The following CDH18 variants were observed in gnomAD, a reference collection of about 807,000 sequenced individuals.
CDH18 encodes cadherin-18.
In CDH18, 31 loss-of-function variants were observed where a neutral mutation model predicts 67.9. The ratio of observed to expected loss-of-function variants is 0.46; its 90% CI spans 0.34 to 0.62. The LOEUF (loss-of-function observed/expected upper bound fraction) is 0.62, where lower values mean the gene tolerates loss of function less well. Ranked by LOEUF, CDH18 falls within the 20% of genes least tolerant of loss-of-function variation. CDH18 has a pLI of 0.01. For missense variants in CDH18, 890 were observed against 975.5 expected (o/e 0.91, Z 1.17); for synonymous variants, 362 against 347.2 (o/e 1.04, Z -0.48).
chr5:20,248,518 A>G (rs1047774605), intron 2 of CDH18, among the ~76,000 whole-genome samples: 1 of 152,204 alleles, frequency 6.6e-6, no homozygotes, highest in African/African-American at 2.4e-5. Context: ...ATTGAGGGCC[A>G]CTTTTCTCAT....
chr5:20,032,602 C>T (rs1196418278), intron 2 of CDH18, among the ~76,000 whole-genome samples: 3 of 151,912 alleles, frequency 2.0e-5, no homozygotes, highest in Non-Finnish European at 4.4e-5. Context: ...TAGTAGTAGA[C>T]ACTTCAATAA....
rs1370471076 is a variant in CDH18, at chr5:20,390,859, C to A, written c.-579-135354G>T. ...GTAGGGACATGAACGAAGCTGGAAA[C>A]CATCATTCTCAGCAAACTATCACAA... On this transcript the variant is annotated intron_variant, in intron 1 of 14. Coordinates refer to the CDH18 transcript ENST00000507958. 3.3e-5 allele frequency among the ~76,000 whole-genome samples: 5 copies of A among 152,136 alleles called. No homozygotes were observed. In the East Asian group the frequency reaches 9.7e-4, roughly 29 times the overall value.
chr5:19,799,060 G>A (rs1777148257), intron 3 of CDH18, among the ~76,000 whole-genome samples: 1 of 152,030 alleles, frequency 6.6e-6, no homozygotes, highest in Non-Finnish European at 1.5e-5. Flanking sequence ...ACACAGGTGT[G>A]CAGGTATCTC....
chr5:19,593,720 C>CTTCTTCTTCTTCTTCTTG (rs1745667240), intron 6 of CDH18, among the ~76,000 whole-genome samples: 1 of 118,924 alleles, frequency 8.4e-6, no homozygotes, highest in African/African-American at 4.1e-5. Context: ...TCTTCTTCTT[C>CTTCTTCTTCTTCTTCTTG]TTCTTCTTCT....
At chr5:19,572,631 T>C (rs572838388) in intron 7 of CDH18, among the ~76,000 whole-genome samples, 4 of 152,298 alleles carry the variant, frequency 2.6e-5, no homozygotes, top group Non-Finnish European at 5.9e-5. Flanking sequence ...TTACTTGCTG[T>C]ATCCTCACAC....
intron 9 of CDH18, among the ~76,000 whole-genome samples, chr5:19,541,561 T>A (rs1032198244): frequency 2.0e-5 from 3 of 152,184 alleles, no homozygotes; most frequent in Non-Finnish European, 4.4e-5. Flanking sequence ...GGACTTAGTT[T>A]CACATGGCTG....
chr5:20,041,924 G>A (rs1022541881), intron 2 of CDH18, among the ~76,000 whole-genome samples: 3 of 152,184 alleles, frequency 2.0e-5, no homozygotes, highest in African/African-American at 7.2e-5. Context: ...TTATAAACGT[G>A]TAATACCATA....
chr5:20,095,875 T>A (rs1333092477), intron 2 of CDH18, among the ~76,000 whole-genome samples: 2 of 151,150 alleles, frequency 1.3e-5, no homozygotes, highest in African/African-American at 2.4e-5. Flanking sequence ...ATAAAATAAT[T>A]TAAATTAAAA....
At chr5:20,517,144 A>G (rs1215765064) in intron 1 of CDH18, among the ~76,000 whole-genome samples, 1 of 151,870 alleles carries the variant, frequency 6.6e-6, no homozygotes, top group Non-Finnish European at 1.5e-5. Flanking sequence ...ATTAGAACAA[A>G]ATCAGTCAAA....
intron 1 of CDH18, among the ~76,000 whole-genome samples, chr5:20,320,829 C>T (rs533273997): frequency 1.1e-4 from 17 of 152,266 alleles, no homozygotes; most frequent in East Asian, 7.8e-4. Flanking sequence ...AGAACAACCA[C>T]GGCCACCCTT....
chr5:20,185,721 C>A (rs1738045698), intron 2 of CDH18, among the ~76,000 whole-genome samples: 2 of 152,136 alleles, frequency 1.3e-5, no homozygotes, highest in Admixed American at 6.6e-5. Context: ...TAAAATAGAA[C>A]AATGGCCACC....
intron 2 of CDH18, among the ~76,000 whole-genome samples, chr5:20,231,531 G>A (rs1210011184): frequency 2.0e-5 from 3 of 151,868 alleles, no homozygotes; most frequent in East Asian, 1.9e-4. Flanking sequence ...CCCGGGAGGC[G>A]GAGGTTGCAG....
chr5:19,502,542 T>C (rs1396743148), intron 11 of CDH18: 1 of 253,506 alleles, frequency 3.9e-6, no homozygotes, highest in African/African-American at 2.2e-5. Flanking sequence ...GGACAATGCT[T>C]ATAATAACAA....
chr5:20,228,440 C>T (rs1167144286), intron 2 of CDH18, among the ~76,000 whole-genome samples: 1 of 152,006 alleles, frequency 6.6e-6, no homozygotes, highest in Non-Finnish European at 1.5e-5. Context: ...CTAATTAACA[C>T]ATGTATTACC....
chr5:19,763,874 C>T (rs1240076280), intron 3 of CDH18, among the ~76,000 whole-genome samples: 3 of 151,244 alleles, frequency 2.0e-5, no homozygotes, highest in Non-Finnish European at 4.4e-5. Flanking sequence ...TGAGGCTGGG[C>T]ACAGTGGCTC....
At chr5:19,586,385 G>A (rs575406234) in intron 7 of CDH18, among the ~76,000 whole-genome samples, 27 of 151,908 alleles carry the variant, frequency 1.8e-4, no homozygotes, top group East Asian at 1.8e-3. Context: ...CTATAGGCCC[G>A]TGTGTGTTGT....
At chr5:19,885,410 T>C (rs952884364) in intron 2 of CDH18, among the ~76,000 whole-genome samples, 1 of 152,316 alleles carries the variant, frequency 6.6e-6, no homozygotes, top group Admixed American at 6.5e-5. Flanking sequence ...GGACAGTAAA[T>C]CTGTAATGTG....
chr5:20,522,354 C>T (rs1755799255), intron 1 of CDH18, among the ~76,000 whole-genome samples: 2 of 152,178 alleles, frequency 1.3e-5, no homozygotes, highest in Non-Finnish European at 2.9e-5. Flanking sequence ...ATGTCTCCTA[C>T]TCCTTTTAAG....
At chr5:19,501,514 GA>G (rs33928797) in intron 11 of CDH18, among the ~76,000 whole-genome samples, 65,482 of 121,812 alleles carry the variant, frequency 0.54, 14,485 homozygotes, top group South Asian at 0.58. Flanking sequence ...TCTTAAAAAA[GA>G]AAAAAAAAAA....
Sources: allele counts gnomAD v4.1 joint callset (sites outside exome capture counted in the v4.1 genomes callset), GRCh38; gene constraint gnomAD v4.1.1; transcripts MANE v1.5; gene names NCBI Gene and HGNC (gene_info 2026-07-23, HGNC 2026-07-21).